Variants in SEMA6B observed in about 807,000 individuals in gnomAD.
The protein encoded by SEMA6B is semaphorin-6B.
SEMA6B carries 47 observed loss-of-function variants against 78.6 expected under a neutral mutation model. The ratio of observed to expected loss-of-function variants is 0.60; its 90% CI spans 0.47 to 0.76. The LOEUF (loss-of-function observed/expected upper bound fraction) is 0.76. Ranked by LOEUF, SEMA6B falls within the 30% of genes least tolerant of loss-of-function variation. The probability of loss-of-function intolerance (pLI) is 0.00; values close to 1 mark genes in which losing one functional copy is unlikely to be tolerated. For missense variants in SEMA6B, 1,213 were observed against 1,269.9 expected, an observed-to-expected ratio of 0.96 and a Z score of 0.68; for synonymous variants, 632 against 592.2, an observed-to-expected ratio of 1.07 and a Z score of -0.98.
rs745990708 is a variant in SEMA6B at position 4,543,586 on chromosome 19, C to T, written c.*15G>A. 8.3e-7 allele frequency: 1 copy of T among 1,210,442 alleles called. No individual in the cohort carries two copies. Among genetic ancestry groups the T allele is most frequent in the Non-Finnish European group, 1.0e-6 (1 of 965,276 alleles). The allele number at this position is 1,210,442 out of a possible 1,614,324, so 75.0% of individuals were successfully genotyped here. A position where few individuals can be genotyped will look rare whatever the true frequency, so the allele number is the denominator to read the frequency against. On this transcript the variant is annotated 3_prime_UTR_variant, in exon 17 of 17. Transcript: ENST00000586582. Reference sequence around the variant, plus strand: ...CCCGTGGCTGGCACTGCCAAGGCATCGGGGGGCCCCCGGCCTAGGGCACGG... The same window carrying T: ...CCCGTGGCTGGCACTGCCAAGGCATTGGGGGGCCCCCGGCCTAGGGCACGG...
In SEMA6B at chr19:4,546,257, T is replaced by C; in HGVS notation, c.1697A>G (p.Asp566Gly). 8 of 1,613,446 alleles carry C rather than the reference T, an allele frequency of 5.0e-6. No individual in the cohort carries two copies. Among genetic ancestry groups the C allele is most frequent in the Non-Finnish European group, 6.8e-6 (8 of 1,179,914 alleles). The change falls in exon 16 of 17, where the codon GAC becomes GGC. Residue 566 changes from aspartate (D) to glycine (G), a missense_variant. Asp to Gly is a moderately conservative substitution (Grantham distance 94, BLOSUM62 -1). Coordinates refer to ENST00000586582, the MANE Select transcript of SEMA6B (RefSeq NM_032108.4). The stretch of plus-strand genomic sequence containing the variant: ...GCCTGAGGTGCTGGCCCCGGACACG[T>C]CCTGCTCAAAGGCGGCTCTAATGGG... ...SPGTRAAFEQ[D>G]VSGASTSGLG... is the part of the protein sequence containing the mutation.
chr19:4,548,111 G>C lies in SEMA6B; in HGVS notation c.1517C>G (p.Ala506Gly). The change falls in exon 14 of 17, where the codon GCT (alanine) becomes GGT (glycine). Residue 506 changes from alanine to glycine, a missense_variant. Physicochemically the swap from Ala to Gly is moderately conservative, Grantham distance 60. Coordinates refer to ENST00000586582, the MANE Select transcript of SEMA6B (RefSeq NM_032108.4). ...GAAGGCAGCCAGCAGGCCCCCCGAA[G>C]CTGCGTCCAGCTCCAAGCTCAGCAG... is the stretch of plus-strand genomic sequence containing the variant. ...QRLLSLELDA[A>G]SGGLLAAFPR... 1 of 1,591,134 alleles carries C rather than the reference G, an allele frequency of 6.3e-7. No homozygotes were observed. Among genetic ancestry groups the C allele is most frequent in the Non-Finnish European group, 8.5e-7 (1 of 1,173,536 alleles).
intron 4 of SEMA6B, 64 bp downstream of exon 4, chr19:4,557,099 C>T: frequency 4.4e-6 from 7 of 1,591,810 alleles, no homozygotes; most frequent in Non-Finnish European, 6.0e-6. Flanking sequence ...CCACCCAGCT[C>T]CCCGGCGCAG....
chr19:4,557,084 C>T (rs1977493273), intron 4 of SEMA6B, 71 bp from the exon 5 acceptor site: 4 of 1,586,640 alleles, frequency 2.5e-6, no homozygotes, highest in Non-Finnish European at 3.5e-6. Flanking sequence ...CGTGCTGGGC[C>T]GAATCCACCC....
rs1222431271 is a variant in SEMA6B, at chr19:4,543,916, G to A, written c.2352C>T (p.His784=). Residue 784 remains histidine, a synonymous_variant, in exon 17 of 17, where the codon CAC becomes CAT. Transcript: ENST00000586582. ...LYAARPGRAS[H]GDFPLTPHAS... is the part of the protein sequence containing the mutation. ...CGTGGGGGGTGAGCGGGAAGTCGCCGTGGGAGGCGCGGCCGGGCCGGGCAG... is the reference window on the plus strand; with the variant it reads ...CGTGGGGGGTGAGCGGGAAGTCGCCATGGGAGGCGCGGCCGGGCCGGGCAG... The A allele has an allele frequency of 3.3e-6, 4 of 1,202,242 alleles. No individual in the cohort carries two copies. The highest frequency in any genetic ancestry group is 3.2e-5 in the African/African-American group (2 of 63,034). 74.5% of individuals were successfully genotyped at this position (1,202,242 alleles called of 1,614,324 possible). A position where few individuals can be genotyped will look rare whatever the true frequency, so the allele number is the denominator to read the frequency against.
rs1476224272 is a variant in SEMA6B, at chr19:4,544,399, G to A, written c.1869C>T (p.Gly623=). ...GGGCCAGCTCCCGCCGCTCACGGAG[G>A]CCCACGAACCAGCCCACGCTGAAGC... ...VSGFSVGWFV[G]LRERRELARR... Residue 623 remains glycine, a synonymous_variant, in exon 17 of 17, where the codon GGC becomes GGT. Transcript: ENST00000586582. This position sits in a 1 kb window ranked among gnomAD's most constrained non-coding sequence, Gnocchi z 5.1. 6.2e-7 allele frequency: 1 copy of A among 1,601,328 alleles called. No individual in the cohort carries two copies. The highest frequency in any genetic ancestry group is 2.3e-5 in the East Asian group (1 of 43,942).
Position 4,550,520 on chromosome 19 carries a change from C to T in SEMA6B, c.1122-248G>A, listed in dbSNP as rs1352520686. On this transcript the variant is annotated intron_variant, in intron 11 of 16. Transcript: ENST00000586582. The surrounding 1 kb of genome is among the most constrained non-coding windows in gnomAD (Gnocchi z 6.6). ...CTGGGATTACAGGCACGTGCCATCA[C>T]GCCCGGCTAATTTTTGTATTTTTAG... 3.9e-5 allele frequency among the ~76,000 whole-genome samples: 6 copies of T among 152,096 alleles called. No individual in the cohort carries two copies. Among genetic ancestry groups the T allele is most frequent in the South Asian group, 2.1e-4 (1 of 4,826 alleles).
chr19:4,550,766 G>A lies in SEMA6B; in HGVS notation c.1121+33C>T, dbSNP rs201715668. ...GGCCCTGGGGATCAGGACCTCATCC[G>A]GGCATGTGACTCAGGATGGAGGGGG... On this transcript the variant is annotated intron_variant, in intron 11 of 16. Transcript: ENST00000586582. This position sits in a 1 kb window ranked among gnomAD's most constrained non-coding sequence, Gnocchi z 6.6. 3.9e-4 allele frequency: 632 copies of A among 1,610,974 alleles called. 8 individuals are homozygous for A. The South Asian group carries it at 5.7e-3, about 15-fold the overall frequency.
chr19:4,556,592 T>G (rs1480707594), intron 5 of SEMA6B, among the ~76,000 whole-genome samples: 5 of 146,020 alleles, frequency 3.4e-5, no homozygotes, highest in Non-Finnish European at 4.5e-5. Context: ...GGGTGGGGAG[T>G]GAGCTATTGG....
Position 4,550,369 on chromosome 19 carries a change from A to G in SEMA6B, c.1122-97T>C. On this transcript the variant is annotated intron_variant, in intron 11 of 16. Coordinates refer to ENST00000586582, the MANE Select transcript of SEMA6B (RefSeq NM_032108.4). This position sits in a 1 kb window ranked among gnomAD's most constrained non-coding sequence, Gnocchi z 6.6. ...CCCATTGCTTTGCCCAACGACCCTC[A>G]GGTTTTTTGTTTGTTTTGTTTTTGA... The G allele has an allele frequency of 7.9e-7, 1 of 1,266,604 alleles. No homozygotes were observed. Among genetic ancestry groups the G allele is most frequent in the Non-Finnish European group, 1.1e-6 (1 of 915,728 alleles). The allele number at this position is 1,266,604 out of a possible 1,614,324, so 78.5% of individuals were successfully genotyped here. A position where few individuals can be genotyped will look rare whatever the true frequency, so the allele number is the denominator to read the frequency against.
intron 1 of SEMA6B, among the ~76,000 whole-genome samples, chr19:4,559,258 A>G (rs971162515): frequency 2.0e-5 from 3 of 151,208 alleles, no homozygotes; most frequent in Non-Finnish European, 4.4e-5. Context: ...ATCACAGAAT[A>G]TTCCCCATGC....
At chr19:4,556,908 G>T (rs1018141489) in intron 5 of SEMA6B, 43 bp downstream of exon 5, 13 of 1,578,622 alleles carry the variant, frequency 8.2e-6, no homozygotes, top group Non-Finnish European at 9.5e-6. Flanking sequence ...GGTAATGCCA[G>T]GGCTGATTCG....
rs745510861 is a variant in SEMA6B at position 4,558,428 on chromosome 19, G to A, written c.30C>T (p.Arg10=). 6 of 1,257,330 alleles carry A rather than the reference G, an allele frequency of 4.8e-6. No homozygotes were observed. The highest frequency in any genetic ancestry group is 4.0e-6 in the Non-Finnish European group (4 of 994,312). 77.9% of individuals were successfully genotyped at this position (1,257,330 alleles called of 1,614,324 possible). ...GCAGCAGCAGAAGCAGCAGGGCCGGGCGGGGAGGGGACGCTCGCGGGGTCT... is the reference window on the plus strand; with the variant it reads ...GCAGCAGCAGAAGCAGCAGGGCCGGACGGGGAGGGGACGCTCGCGGGGTCT... The part of the protein sequence containing the change: MQTPRASPP[R]PALLLLLLLL... The change falls in exon 2 of 17, where the codon CGC becomes CGT. Residue 10 remains arginine, a synonymous_variant. Coordinates refer to ENST00000586582, the MANE Select transcript of SEMA6B (RefSeq NM_032108.4). The surrounding 1 kb of genome is among the most constrained non-coding windows in gnomAD (Gnocchi z 5.1).
rs1049242845 is a variant in SEMA6B at position 4,543,611 on chromosome 19, G to T, written c.2657C>A (p.Pro886His). 2 of 1,234,824 alleles carry T rather than the reference G, an allele frequency of 1.6e-6. No homozygotes were observed. The highest frequency in any genetic ancestry group is 4.0e-5 in the South Asian group (1 of 24,900). 76.5% of individuals were successfully genotyped at this position (1,234,824 alleles called of 1,614,324 possible). A position where few individuals can be genotyped will look rare whatever the true frequency, so the allele number is the denominator to read the frequency against. ...PYGGADRTAP[P>H]VP ...CGGGGGGCCCCCGGCCTAGGGCACG[G>T]GGGGCGCAGTCCTGTCCGCCCCCCC... The change falls in exon 17 of 17, where the codon CCC (proline) becomes CAC (histidine). Residue 886 changes from proline to histidine, a missense_variant. Transcript: ENST00000586582.
At position 4,550,677 on chromosome 19, in the gene SEMA6B, A is replaced by T. The variant is rs537937630; in HGVS notation, c.1121+122T>A. 1.7e-5 allele frequency: 22 copies of T among 1,272,462 alleles called. No individual in the cohort carries two copies. The highest frequency in any genetic ancestry group is 2.4e-5 in the Non-Finnish European group (22 of 921,614). 78.8% of individuals were successfully genotyped at this position (1,272,462 alleles called of 1,614,324 possible). A position where few individuals can be genotyped will look rare whatever the true frequency, so the allele number is the denominator to read the frequency against. On this transcript the variant is annotated intron_variant, in intron 11 of 16. Coordinates refer to ENST00000586582, the MANE Select transcript of SEMA6B (RefSeq NM_032108.4). This position sits in a 1 kb window ranked among gnomAD's most constrained non-coding sequence, Gnocchi z 6.6. ...CCACACCAGGCCTCAGTTTTTCCCA[A>T]CTGTATAACGGGTACAGCTGAACTC...
At position 4,558,323 on chromosome 19, in the gene SEMA6B, AC is replaced by A. The variant is rs1345963204; in HGVS notation, c.121+13del. 2.3e-6 allele frequency: 3 copies of A among 1,314,780 alleles called. No individual in the cohort carries two copies. The highest frequency in any genetic ancestry group is 2.9e-5 in the East Asian group (1 of 34,746). The allele number at this position is 1,314,780 out of a possible 1,614,324, so 81.4% of individuals were successfully genotyped here. A position where few individuals can be genotyped will look rare whatever the true frequency, so the allele number is the denominator to read the frequency against. ...CGGGACTCCACCCCCGCCCAAAGAC[AC>A]CCCCAGACTCACAGTCCCTGGGGGC... is the stretch of plus-strand genomic sequence containing the variant. On this transcript the variant is annotated intron_variant, in intron 2 of 16. Transcript: ENST00000586582. The surrounding 1 kb of genome is among the most constrained non-coding windows in gnomAD (Gnocchi z 5.1).
intron 9 of SEMA6B, among the ~76,000 whole-genome samples, chr19:4,553,915 CGATGGGTG>C (rs1977404414): frequency 6.7e-6 from 1 of 150,326 alleles, no homozygotes; most frequent in South Asian, 2.1e-4. Context: ...CTAGATGAAT[CGATGGGTG>C]GATGGATGCA....
chr19:4,544,604 C>G lies in SEMA6B; in HGVS notation c.1739-75G>C. 1 of 769,692 alleles carries G rather than the reference C, an allele frequency of 1.3e-6. No homozygotes were observed. Among genetic ancestry groups the G allele is most frequent in the Non-Finnish European group, 1.8e-6 (1 of 551,510 alleles). The allele number at this position is 769,692 out of a possible 1,614,324, so 47.7% of individuals were successfully genotyped here. ...GCATCCCTCCTACCTCCTCGGGGCC[C>G]TCTGTCCTCTTTTTTATTATTTTTA... is the stretch of plus-strand genomic sequence containing the variant. On this transcript the variant is annotated intron_variant, in intron 16 of 16. Transcript: ENST00000586582. The surrounding 1 kb of genome is among the most constrained non-coding windows in gnomAD (Gnocchi z 5.1).
rs1977048871 is a variant in SEMA6B, at chr19:4,542,757, CG to C, written c.*843del. ...TGGGACTCTCTCACCACCCTGGGGC[CG>C]TATTTACAGAGGGGCCCCACCCACC... On this transcript the variant is annotated 3_prime_UTR_variant, in exon 17 of 17. Coordinates refer to ENST00000586582, the MANE Select transcript of SEMA6B (RefSeq NM_032108.4). 4.3e-6 allele frequency: 3 copies of C among 700,084 alleles called. No individual in the cohort carries two copies. In the Admixed American group the frequency reaches 6.0e-5, roughly 14 times the overall value. 43.4% of individuals were successfully genotyped at this position (700,084 alleles called of 1,614,324 possible).
Sources: gnomAD v4.1 joint callset for allele counts (sites outside exome capture counted in the v4.1 genomes callset) on GRCh38, gnomAD v4.1.1 for gene constraint, Gnocchi (gnomAD v3.1) non-coding constraint, MANE v1.5 for transcripts, NCBI Gene and HGNC (gene_info 2026-07-23, HGNC 2026-07-21) for gene names.